The following EPB41L4A variants were observed in gnomAD, a reference collection of about 807,000 sequenced individuals.
The protein encoded by EPB41L4A is band 4.1-like protein 4A.
EPB41L4A carries 100 observed loss-of-function variants against 108.6 expected under a neutral mutation model. That is an observed-to-expected ratio of 0.92 (90% CI 0.78 to 1.09). The LOEUF is 1.09. Ranked by LOEUF, EPB41L4A falls within the 50% of genes least tolerant of loss-of-function variation. EPB41L4A has a pLI of 0.00. For missense variants in EPB41L4A, 1,030 were observed against 842.7 expected (o/e 1.22, Z -2.75); for synonymous variants, 319 against 289.0 (o/e 1.10, Z -1.05).
chr5:112,247,254 A>AG (rs1011596037), intron 9 of EPB41L4A, among the ~76,000 whole-genome samples: 2 of 152,132 alleles, frequency 1.3e-5, no homozygotes, highest in Non-Finnish European at 2.9e-5. Flanking sequence ...ACTACTGTTA[A>AG]GGGGTGGGTG....
At chr5:112,253,001 A>C (rs576174530) in intron 9 of EPB41L4A, among the ~76,000 whole-genome samples, 3 of 152,208 alleles carry the variant, frequency 2.0e-5, no homozygotes, top group South Asian at 2.1e-4. Context: ...GGGAGTACAG[A>C]GCTAGAAAAA....
Position 112,418,789 on chromosome 5 carries a change from C to T in EPB41L4A, c.99+152G>A, listed in dbSNP as rs1464677821. ...GTTAACTCACCCTGGTACGTCCACC[C>T]TCTCCCTGCGCGCAGGGGACAGCGG... On this transcript the variant is annotated intron_variant, in intron 1 of 22. Coordinates refer to ENST00000261486, the MANE Select transcript of EPB41L4A (RefSeq NM_022140.5). 3 of 578,492 alleles carry T rather than the reference C, an allele frequency of 5.2e-6. No homozygotes were observed. In the African/African-American group the frequency reaches 5.8e-5, roughly 11 times the overall value. The allele number at this position is 578,492 out of a possible 1,614,324, so 35.8% of individuals were successfully genotyped here. A position where few individuals can be genotyped will look rare whatever the true frequency, so the allele number is the denominator to read the frequency against.
chr5:112,316,053 A>G (rs1294882789), intron 1 of EPB41L4A, among the ~76,000 whole-genome samples: 1 of 152,232 alleles, frequency 6.6e-6, no homozygotes, highest in Non-Finnish European at 1.5e-5. Flanking sequence ...AACATTCCAG[A>G]AAGAATAGAG....
At chr5:112,353,881 T>A (rs997242477) in intron 1 of EPB41L4A, among the ~76,000 whole-genome samples, 6 of 152,094 alleles carry the variant, frequency 3.9e-5, no homozygotes, top group Non-Finnish European at 7.4e-5. Context: ...CATAGTTGTG[T>A]TTGGGCACTC....
chr5:112,210,135 A>C (rs997163940), intron 12 of EPB41L4A, 153 bp from the exon 13 acceptor site: 1 of 530,828 alleles, frequency 1.9e-6, no homozygotes, highest in Admixed American at 3.7e-5. Flanking sequence ...GAATCACCCA[A>C]TAAATTGGAG....
intron 1 of EPB41L4A, among the ~76,000 whole-genome samples, chr5:112,380,268 CAT>C (rs574190964): frequency 4.6e-5 from 7 of 152,324 alleles, no homozygotes; most frequent in Admixed American, 4.6e-4. Flanking sequence ...GAGAGAAAAG[CAT>C]ACAAAGGTAT....
intron 13 of EPB41L4A, among the ~76,000 whole-genome samples, chr5:112,208,049 C>T (rs1762554170): frequency 6.6e-6 from 1 of 152,064 alleles, no homozygotes; most frequent in East Asian, 1.9e-4. Context: ...AGATGCAGAC[C>T]ATCCTGGCCA....
At chr5:112,327,067 T>C (rs1756213798) in intron 1 of EPB41L4A, among the ~76,000 whole-genome samples, 1 of 152,164 alleles carries the variant, frequency 6.6e-6, no homozygotes, top group Non-Finnish European at 1.5e-5. Flanking sequence ...GTAATCTCAA[T>C]TTCACAAATA....
At chr5:112,368,754 T>G (rs967440480) in intron 1 of EPB41L4A, among the ~76,000 whole-genome samples, 2 of 152,186 alleles carry the variant, frequency 1.3e-5, no homozygotes, top group Non-Finnish European at 2.9e-5. Flanking sequence ...TAGATGCTAT[T>G]TGCTTTTCTG....
At chr5:112,375,346 C>T (rs909482643) in intron 1 of EPB41L4A, among the ~76,000 whole-genome samples, 1 of 150,386 alleles carries the variant, frequency 6.6e-6, no homozygotes. Context: ...TACACACACA[C>T]ACACACACAC....
chr5:112,356,682 A>T (rs185623976), intron 1 of EPB41L4A, among the ~76,000 whole-genome samples: 19 of 152,118 alleles, frequency 1.2e-4, no homozygotes, highest in African/African-American at 4.6e-4. Context: ...CATCCTACAG[A>T]CTCTCATGTG....
chr5:112,196,367 AG>A (rs765534808), intron 15 of EPB41L4A, among the ~76,000 whole-genome samples: 1 of 152,226 alleles, frequency 6.6e-6, no homozygotes, highest in Non-Finnish European at 1.5e-5. Context: ...TCTCCTTTAA[AG>A]TCTCCTCTAA....
rs771013845 is a variant in EPB41L4A at position 112,169,066 on chromosome 5, C to T, written c.1779G>A (p.Ser593=). ...GDPIRIRHSH[S]PRSYRQYRRS... ...TGCGATACTGGCGGTAACTTCGTGG[C>T]GAATGAGAATGCCTGATGCGGATTG... The change falls in exon 21 of 23, where the codon TCG becomes TCA. Residue 593 remains serine (S), a synonymous_variant. Coordinates refer to ENST00000261486, the MANE Select transcript of EPB41L4A (RefSeq NM_022140.5). The T allele has an allele frequency of 5.5e-5, 88 of 1,613,934 alleles. 1 individual carries two copies. The highest frequency in any genetic ancestry group is 3.3e-4 in the African/African-American group (25 of 74,874).
chr5:112,401,266 C>T (rs1256816894), intron 1 of EPB41L4A, among the ~76,000 whole-genome samples: 1 of 152,168 alleles, frequency 6.6e-6, no homozygotes, highest in African/African-American at 2.4e-5. Context: ...TAGCCACATC[C>T]AGCAGACCTT....
chr5:112,419,018 G>T lies in EPB41L4A; in HGVS notation c.22C>A (p.Pro8Thr). 1 of 1,613,612 alleles carries T rather than the reference G, an allele frequency of 6.2e-7. No homozygotes were observed. Among genetic ancestry groups the T allele is most frequent in the East Asian group, 2.2e-5 (1 of 44,824 alleles). Residue 8 changes from proline to threonine, a missense_variant, in exon 1 of 23, where the codon CCG becomes ACG. By Grantham distance (38) the Pro-to-Thr change is conservative. Coordinates refer to ENST00000261486, the MANE Select transcript of EPB41L4A (RefSeq NM_022140.5). Reference sequence around the variant, plus strand: ...AAAACTTCGCAGTAAAATTCTTCCGGAACAGCGCAGAAACAGCCCATGTCG... The same window carrying T: ...AAAACTTCGCAGTAAAATTCTTCCGTAACAGCGCAGAAACAGCCCATGTCG... MGCFCAV[P>T]EEFYCEVLLL...
chr5:112,212,666 A>G (rs889008812), intron 12 of EPB41L4A, among the ~76,000 whole-genome samples: 11 of 152,152 alleles, frequency 7.2e-5, no homozygotes, highest in South Asian at 6.2e-4. Context: ...AGCAGATATT[A>G]CTAATATTTA....
intron 12 of EPB41L4A, among the ~76,000 whole-genome samples, chr5:112,150,758 T>C (rs1418825637): frequency 6.6e-6 from 1 of 152,234 alleles, no homozygotes; most frequent in Non-Finnish European, 1.5e-5. Context: ...GGCATATTCA[T>C]TTTATATATT....
intron 12 of EPB41L4A, among the ~76,000 whole-genome samples, chr5:112,215,855 A>G (rs2150324662): frequency 6.6e-6 from 1 of 151,638 alleles, no homozygotes; most frequent in Non-Finnish European, 1.5e-5. Context: ...TCAGTCGGGG[A>G]GTGCTATCAT....
rs199600866 is a variant in EPB41L4A, at chr5:112,418,918, A to T, written c.99+23T>A. 8.8e-6 allele frequency: 14 copies of T among 1,597,922 alleles called. No homozygotes were observed. In the Admixed American group the frequency reaches 1.5e-4, roughly 17 times the overall value. On this transcript the variant is annotated intron_variant, in intron 1 of 22. Transcript: ENST00000261486. ...CACCCGCCCTGCCGCCAACCCCCGG[A>T]ACGCGCTCCGGGCCGCACCCACCTT...
Sources: gnomAD v4.1 joint callset for allele counts (sites outside exome capture counted in the v4.1 genomes callset) on GRCh38, gnomAD v4.1.1 for gene constraint, MANE v1.5 for transcripts, NCBI Gene and HGNC (gene_info 2026-07-23, HGNC 2026-07-21) for gene names.